The following RNF115 variants were observed in gnomAD, a reference collection of about 807,000 sequenced individuals.
The protein encoded by RNF115 is E3 ubiquitin-protein ligase RNF115.
Under a neutral mutation model 39.2 loss-of-function variants are expected in RNF115, and 31 were observed. That is an observed-to-expected ratio of 0.79 (90% CI 0.59 to 1.07). RNF115 has a LOEUF of 1.07. RNF115 is among the 50% of genes least tolerant of loss of function. The pLI is 0.00. For synonymous variants in RNF115, 124 were observed against 131.0 expected (o/e 0.95, Z 0.37); for missense variants, 384 against 381.7 (o/e 1.01, Z -0.05).
At chr1:145,785,959 T>C (rs1374500174) in intron 2 of RNF115, among the ~76,000 whole-genome samples, 1 of 152,176 alleles carries the variant, frequency 6.6e-6, no homozygotes, top group Non-Finnish European at 1.5e-5. Context: ...CTACATTGAG[T>C]GGCTATGTAT....
At chr1:145,762,043 TG>T (rs1658554377) in intron 4 of RNF115, among the ~76,000 whole-genome samples, 2 of 152,214 alleles carry the variant, frequency 1.3e-5, no homozygotes, top group African/African-American at 2.4e-5. Flanking sequence ...GTAACCCCTT[TG>T]ATCTGGCCAA....
rs1648348260 is a variant in RNF115 at position 145,785,733 on chromosome 1, A to G, written c.162-1137T>C. ...CTCACTGAGGAAACAAACACACCCTAGTTAGTCTGAAACCAAAAGTGAAAA... is the reference window on the plus strand; with the variant it reads ...CTCACTGAGGAAACAAACACACCCTGGTTAGTCTGAAACCAAAAGTGAAAA... On this transcript the variant is annotated intron_variant, in intron 2 of 8. Coordinates refer to ENST00000582693, the MANE Select transcript of RNF115 (RefSeq NM_014455.4). Among the ~76,000 whole-genome samples the G allele has an allele frequency of 1.3e-5, 2 of 151,528 alleles. 1 individual carries two copies. The highest frequency in any genetic ancestry group is 1.3e-4 in the Admixed American group (2 of 15,268).
chr1:145,761,082 G>C (rs1379339494), intron 4 of RNF115, among the ~76,000 whole-genome samples: 5 of 152,184 alleles, frequency 3.3e-5, no homozygotes, highest in Non-Finnish European at 5.9e-5. Context: ...AGATGATTCA[G>C]AATATCTGGT....
At chr1:145,762,466 A>G (rs965873208) in intron 4 of RNF115, among the ~76,000 whole-genome samples, 4 of 151,186 alleles carry the variant, frequency 2.6e-5, no homozygotes, top group Admixed American at 6.5e-5. Flanking sequence ...ACAGGCCCCA[A>G]TCAAATGTAT....
chr1:145,823,976 G>C lies in RNF115; in HGVS notation c.-103C>G, dbSNP rs1200371808. 1.3e-5 allele frequency: 11 copies of C among 833,332 alleles called. No homozygotes were observed. In the South Asian group the frequency reaches 1.8e-4, roughly 14 times the overall value. The allele number at this position is 833,332 out of a possible 1,614,324, so 51.6% of individuals were successfully genotyped here. ...GTCGCCGCCGCCGCCGCCTCGGTGCGGCCCACCGCTTCAGAGCCCGCGTCG... is the reference window on the plus strand; with the variant it reads ...GTCGCCGCCGCCGCCGCCTCGGTGCCGCCCACCGCTTCAGAGCCCGCGTCG... On this transcript the variant is annotated 5_prime_UTR_variant, in exon 1 of 9. Coordinates refer to ENST00000582693, the MANE Select transcript of RNF115 (RefSeq NM_014455.4).
intron 4 of RNF115, among the ~76,000 whole-genome samples, chr1:145,757,051 G>C (rs934335266): frequency 3.3e-5 from 5 of 151,842 alleles, no homozygotes; most frequent in African/African-American, 9.7e-5. Flanking sequence ...GGCCAGGCTG[G>C]TCTCGAACTT....
chr1:145,801,791 C>CT lies in RNF115; in HGVS notation c.103-12826dup, dbSNP rs753923200. Among the ~76,000 whole-genome samples the CT allele has an allele frequency of 1.5e-3, 225 of 151,208 alleles. 1 individual carries two copies. The highest frequency in any genetic ancestry group is 5.0e-3 in the South Asian group (24 of 4,774). On this transcript the variant is annotated intron_variant, in intron 1 of 8. Transcript: ENST00000582693. Reference sequence around the variant, plus strand: ...TTCTAATTCAGTAACTCATTTCTCTCTTTTTTTTTAAACTGAGACAGGGTC... The same window carrying CT: ...TTCTAATTCAGTAACTCATTTCTCTCTTTTTTTTTTAAACTGAGACAGGGTC...
At chr1:145,752,736 T>C (rs1658139793) in intron 5 of RNF115, among the ~76,000 whole-genome samples, 1 of 151,890 alleles carries the variant, frequency 6.6e-6, no homozygotes, top group Non-Finnish European at 1.5e-5. Context: ...TACAGAAGCA[T>C]GCCACCACGC....
At position 145,811,877 on chromosome 1, in the gene RNF115, G is replaced by A. The variant is rs1315613201; in HGVS notation, c.102+11895C>T. On this transcript the variant is annotated intron_variant, in intron 1 of 8. Transcript: ENST00000582693. ...CTGCAGCCTGGTTGACAGAGATTCTGTCTCACAAAAAAAAAAAAAAAAAAA... is the reference window on the plus strand; with the variant it reads ...CTGCAGCCTGGTTGACAGAGATTCTATCTCACAAAAAAAAAAAAAAAAAAA... Among the ~76,000 whole-genome samples the A allele has an allele frequency of 4.0e-4, 8 of 19,946 alleles. No individual in the cohort carries two copies. The South Asian group carries it at 0.016, about 40-fold the overall frequency. The allele number at this position is 19,946 out of a possible 152,430, so 13.1% of individuals were successfully genotyped here.
Position 145,817,641 on chromosome 1 carries a change from C to T in RNF115, c.102+6131G>A, listed in dbSNP as rs587628026. On this transcript the variant is annotated intron_variant, in intron 1 of 8. Transcript: ENST00000582693. ...TTTTAGGTTTGGGGGCACATATGTA[C>T]ATTTGTTACACGGACAAACTGTGTC... is the stretch of plus-strand genomic sequence containing the variant. 2.2e-4 allele frequency among the ~76,000 whole-genome samples: 21 copies of T among 96,852 alleles called. No homozygotes were observed. The East Asian group carries it at 6.3e-3, about 29-fold the overall frequency. 63.5% of individuals were successfully genotyped at this position (96,852 alleles called of 152,430 possible). A position where few individuals can be genotyped will look rare whatever the true frequency, so the allele number is the denominator to read the frequency against.
intron 1 of RNF115, among the ~76,000 whole-genome samples, chr1:145,790,969 C>G (rs980200499): frequency 1.3e-5 from 2 of 151,742 alleles, no homozygotes; most frequent in East Asian, 3.9e-4. Context: ...TGGTGAAACT[C>G]CATCTCTACT....
chr1:145,783,879 T>C (rs1553717780), intron 3 of RNF115, among the ~76,000 whole-genome samples: 1 of 151,542 alleles, frequency 6.6e-6, no homozygotes. Context: ...ATGGACGAAG[T>C]GAAAAAAGAA....
intron 1 of RNF115, among the ~76,000 whole-genome samples, chr1:145,803,429 G>A (rs1033554086): frequency 2.0e-5 from 3 of 152,092 alleles, no homozygotes; most frequent in Non-Finnish European, 4.4e-5. Context: ...TCACTCTGTT[G>A]CCCAGGCTGG....
At chr1:145,747,768 T>C (rs376567882) in intron 8 of RNF115, among the ~76,000 whole-genome samples, 14 of 152,062 alleles carry the variant, frequency 9.2e-5, no homozygotes, top group South Asian at 2.1e-4. Context: ...CAAATGAACA[T>C]AGCTGTGTTC....
At chr1:145,787,223 G>A (rs370127307) in intron 2 of RNF115, among the ~76,000 whole-genome samples, 30 of 152,144 alleles carry the variant, frequency 2.0e-4, no homozygotes, top group Admixed American at 4.6e-4. Flanking sequence ...GAACAAATGT[G>A]CCATTTTGTT....
intron 4 of RNF115, among the ~76,000 whole-genome samples, chr1:145,759,404 C>G (rs967987213): frequency 2.0e-5 from 3 of 152,080 alleles, no homozygotes; most frequent in Non-Finnish European, 4.4e-5. Flanking sequence ...CCTAATGTTC[C>G]CCATGTCAGT....
chr1:145,768,914 C>T (rs1319810303), intron 4 of RNF115, among the ~76,000 whole-genome samples: 1 of 152,136 alleles, frequency 6.6e-6, no homozygotes, highest in Admixed American at 6.6e-5. Context: ...CAAAGATATA[C>T]TGTGTTTATT....
intron 4 of RNF115, among the ~76,000 whole-genome samples, chr1:145,765,105 G>T (rs959586261): frequency 1.1e-4 from 16 of 152,316 alleles, no homozygotes; most frequent in African/African-American, 2.6e-4. Flanking sequence ...GGATGCTGTT[G>T]ATCTATGACC....
At chr1:145,779,100 A>G (rs1474101524) in intron 3 of RNF115, among the ~76,000 whole-genome samples, 9 of 152,204 alleles carry the variant, frequency 5.9e-5, no homozygotes, top group African/African-American at 2.2e-4. Context: ...CAACCATCAT[A>G]TATAACTAGA....
Sources: allele counts gnomAD v4.1 joint callset (sites outside exome capture counted in the v4.1 genomes callset), GRCh38; gene constraint gnomAD v4.1.1; transcripts MANE v1.5; gene names NCBI Gene and HGNC (gene_info 2026-07-23, HGNC 2026-07-21).